Variants in IQCE observed in about 807,000 individuals in gnomAD.
IQCE encodes IQ domain-containing protein E.
A neutral mutation model predicts 96.0 loss-of-function variants in IQCE; 115 were observed. The observed-to-expected ratio is 1.20, with a 90% confidence interval of 1.03 to 1.40. The LOEUF (loss-of-function observed/expected upper bound fraction) is 1.40, where lower values mean the gene tolerates loss of function less well. IQCE is among the 40% of genes most tolerant of loss of function. The pLI is 0.00. For missense variants in IQCE, 1,041 were observed against 909.1 expected, an observed-to-expected ratio of 1.15 and a Z score of -1.87; for synonymous variants, 412 against 371.2, an observed-to-expected ratio of 1.11 and a Z score of -1.26.
Position 2,592,582 on chromosome 7 carries a change from G to A in IQCE, c.1245-440G>A, listed in dbSNP as rs143191636. On this transcript the variant is annotated intron_variant, in intron 14 of 21. Coordinates refer to ENST00000402050, the MANE Select transcript of IQCE (RefSeq NM_152558.5). ...AAGGCCAGTGTGTGGCCATCACACCGCATGGGACGCAAGAAACGCATCTGG... is the reference window on the plus strand; with the variant it reads ...AAGGCCAGTGTGTGGCCATCACACCACATGGGACGCAAGAAACGCATCTGG... Among the ~76,000 whole-genome samples, 950 of 152,322 alleles carry A rather than the reference G, an allele frequency of 6.2e-3. 12 individuals are homozygous for A. Among genetic ancestry groups the A allele is most frequent in the African/African-American group, 0.021 (891 of 41,574 alleles).
intron 1 of IQCE, among the ~76,000 whole-genome samples, chr7:2,566,391 G>A (rs1359224553): frequency 6.7e-6 from 1 of 148,212 alleles, no homozygotes; most frequent in Non-Finnish European, 1.5e-5. Context: ...AAGAAGGCAA[G>A]AACCTTTATA....
intron 17 of IQCE, among the ~76,000 whole-genome samples, chr7:2,601,062 T>C (rs932019264): frequency 2.0e-5 from 3 of 152,152 alleles, no homozygotes; most frequent in African/African-American, 7.2e-5. Flanking sequence ...GAGAGCACAG[T>C]GGTCCGGACA....
At position 2,589,927 on chromosome 7, in the gene IQCE, C is replaced by G; in HGVS notation, c.1065C>G (p.Ser355Arg). The part of the protein sequence containing the change: ...ELEKKLSVME[S>R]SKSHAAEPVR... ...TCCAGAAACTAAGTGTGATGGAGAG[C>G]TCAAAATCACACGCCGCAGAGCCAG... Residue 355 changes from serine (S) to arginine (R), a missense_variant, in exon 14 of 22, where the codon AGC becomes AGG. Transcript: ENST00000402050. 1 of 1,613,888 alleles carries G rather than the reference C, an allele frequency of 6.2e-7. No individual in the cohort carries two copies. The highest frequency in any genetic ancestry group is 1.3e-5 in the African/African-American group (1 of 75,046).
At chr7:2,600,570 A>T (rs1375579814) in intron 17 of IQCE, among the ~76,000 whole-genome samples, 1 of 152,178 alleles carries the variant, frequency 6.6e-6, no homozygotes, top group African/African-American at 2.4e-5. Flanking sequence ...AGCGTGGGAG[A>T]AAACTTAGTG....
chr7:2,593,099 AGAG>A lies in IQCE; in HGVS notation c.1326_1328del (p.Arg443del), dbSNP rs772038263. 1 of 1,612,390 alleles carries A rather than the reference AGAG, an allele frequency of 6.2e-7. No individual in the cohort carries two copies. Among genetic ancestry groups the A allele is most frequent in the South Asian group, 1.1e-5 (1 of 90,970 alleles). On this transcript the variant is annotated inframe_deletion, in exon 15 of 22. Transcript: ENST00000402050. ...GAGTGCGCGAGGGAGGGCGAGGAGGAGAGGAGAGAGCGAGAGGAGGTTTTGAGG... is the reference window on the plus strand; with the variant it reads ...GAGTGCGCGAGGGAGGGCGAGGAGGAGAGAGAGCGAGAGGAGGTTTTGAGG...
intron 8 of IQCE, among the ~76,000 whole-genome samples, chr7:2,579,701 GT>G (rs1554307209): frequency 2.4e-4 from 4 of 16,646 alleles, no homozygotes; most frequent in East Asian, 1.4e-3. Context: ...TGTTCTGGTG[GT>G]GTGTGTGTGT....
chr7:2,592,917 G>A, intron 14 of IQCE, 105 bp from the exon 15 acceptor site: 1 of 1,285,398 alleles, frequency 7.8e-7, no homozygotes, highest in South Asian at 1.5e-5. Flanking sequence ...ACCATCCACT[G>A]TCCTAAGGAA....
intron 6 of IQCE, among the ~76,000 whole-genome samples, chr7:2,574,448 G>A (rs62442628): frequency 6.6e-6 from 1 of 152,148 alleles, no homozygotes; most frequent in African/African-American, 2.4e-5. Flanking sequence ...TGAGAAGAAC[G>A]CTCTAACCAC....
chr7:2,561,287 T>C (rs148224586), intron 1 of IQCE, among the ~76,000 whole-genome samples: 270 of 152,144 alleles, frequency 1.8e-3, no homozygotes, highest in African/African-American at 6.0e-3. Context: ...CTTTCAGCAA[T>C]GGTTTATATT....
In IQCE at chr7:2,586,420, A is replaced by AATGGCAGGGC. The variant is rs751512223; in HGVS notation, c.988+55_988+64dup. 13 of 417,896 alleles carry AATGGCAGGGC rather than the reference A, an allele frequency of 3.1e-5. No individual in the cohort carries two copies. In the African/African-American group the frequency reaches 4.4e-4, roughly 14 times the overall value. The allele number at this position is 417,896 out of a possible 1,614,324, so 25.9% of individuals were successfully genotyped here. A position where few individuals can be genotyped will look rare whatever the true frequency, so the allele number is the denominator to read the frequency against. On this transcript the variant is annotated intron_variant, in intron 12 of 21. Transcript: ENST00000402050. ...GGAGGGAGGCCAGGGAATGGCAGGG[A>AATGGCAGGGC]ATGGCAGGGCATGGCCACTGGGTAG...
chr7:2,607,682 C>A, intron 21 of IQCE: 1 of 311,900 alleles, frequency 3.2e-6, no homozygotes, highest in South Asian at 1.3e-4. Context: ...CCCCAGCAGG[C>A]CCTGCCTTTC....
At chr7:2,598,329 G>C (rs1295606856) in intron 16 of IQCE, 136 bp from the exon 17 acceptor site, 1 of 827,630 alleles carries the variant, frequency 1.2e-6, no homozygotes, top group Admixed American at 2.6e-5. Flanking sequence ...GTGTGGAACA[G>C]CTCTCTCCTC....
In IQCE at chr7:2,571,564, T is replaced by C. The variant is rs1287616732; in HGVS notation, c.169T>C (p.Trp57Arg). The C allele has an allele frequency of 6.2e-7, 1 of 1,605,550 alleles. No homozygotes were observed. Among genetic ancestry groups the C allele is most frequent in the Non-Finnish European group, 8.5e-7 (1 of 1,179,970 alleles). The change falls in exon 4 of 22, where the codon TGG becomes CGG. Residue 57 changes from tryptophan (W) to arginine (R), a missense_variant. Transcript: ENST00000402050. ...YLSKPRKVAS[W>R]RSLRTAGSMP... ...CTCTAAGCCGAGAAAAGTGGCCTCCTGGAGGTCCCTCAGGACGGCAGGGAG... is the reference window on the plus strand; with the variant it reads ...CTCTAAGCCGAGAAAAGTGGCCTCCCGGAGGTCCCTCAGGACGGCAGGGAG...
At chr7:2,592,665 C>T (rs1248778340) in intron 14 of IQCE, among the ~76,000 whole-genome samples, 2 of 152,232 alleles carry the variant, frequency 1.3e-5, no homozygotes, top group African/African-American at 4.8e-5. Flanking sequence ...GGGCAGGCCC[C>T]TGCCCCATTC....
chr7:2,587,778 G>T (rs766415141), intron 12 of IQCE, 44 bp from the exon 13 acceptor site: 17 of 1,594,650 alleles, frequency 1.1e-5, no homozygotes, highest in Non-Finnish European at 1.4e-5. Flanking sequence ...CCTGCTGGCA[G>T]TGCCCACCAG....
At chr7:2,595,910 C>T (rs891397039) in intron 16 of IQCE, among the ~76,000 whole-genome samples, 1 of 152,038 alleles carries the variant, frequency 6.6e-6, no homozygotes, top group Non-Finnish European at 1.5e-5. Context: ...CCTGGAGGGT[C>T]GCAGCCATGC....
rs1377611809 is a variant in IQCE, at chr7:2,571,596, T to C, written c.201T>C (p.Pro67=). ...CCCTCAGGACGGCAGGGAGCATGCC[T>C]CTGGGCGGCCGAGCGTCCCTGACCC... The part of the protein sequence containing the change: ...WRSLRTAGSM[P]LGGRASLTPQ... The change falls in exon 4 of 22, where the codon CCT becomes CCC. Residue 67 remains proline (P), a synonymous_variant. Coordinates refer to ENST00000402050, the MANE Select transcript of IQCE (RefSeq NM_152558.5). 2 of 1,603,086 alleles carry C rather than the reference T, an allele frequency of 1.2e-6. No individual in the cohort carries two copies. Among genetic ancestry groups the C allele is most frequent in the Non-Finnish European group, 1.7e-6 (2 of 1,179,968 alleles).
At chr7:2,562,980 C>T (rs1352266001) in intron 1 of IQCE, among the ~76,000 whole-genome samples, 3 of 152,088 alleles carry the variant, frequency 2.0e-5, no homozygotes, top group Non-Finnish European at 4.4e-5. Flanking sequence ...TGCTAGAGAG[C>T]AGTGGCACAA....
intron 14 of IQCE, among the ~76,000 whole-genome samples, chr7:2,592,091 A>G (rs1174422350): frequency 2.0e-5 from 3 of 151,574 alleles, no homozygotes; most frequent in African/African-American, 7.3e-5. Context: ...CCGGCCCTAC[A>G]GGTGATCTGT....
Sources: gnomAD v4.1 joint callset for allele counts (sites outside exome capture counted in the v4.1 genomes callset) on GRCh38, gnomAD v4.1.1 for gene constraint, MANE v1.5 for transcripts, NCBI Gene and HGNC (gene_info 2026-07-23, HGNC 2026-07-21) for gene names.